The following MMP16 variants were observed in gnomAD, a reference collection of about 807,000 sequenced individuals.
The protein encoded by MMP16 is matrix metallopeptidase 16.
In MMP16, 12 loss-of-function variants were observed where a neutral mutation model predicts 67.8. That is an observed-to-expected ratio of 0.18 (90% CI 0.11 to 0.29). MMP16 has a LOEUF of 0.29. MMP16 is among the 10% of genes least tolerant of loss of function. MMP16 has a pLI of 1.00. For missense variants in MMP16, 475 were observed against 765.7 expected (o/e 0.62, Z 4.48); for synonymous variants, 249 against 255.9 (o/e 0.97, Z 0.26).
intron 6 of MMP16, among the ~76,000 whole-genome samples, chr8:88,077,808 C>T (rs1335302676): frequency 3.3e-5 from 5 of 152,070 alleles, no homozygotes; most frequent in Non-Finnish European, 5.9e-5. Context: ...GAAGGGGTCA[C>T]ACAAACATAA....
At chr8:88,277,391 C>T in intron 1 of MMP16, among the ~76,000 whole-genome samples, 1 of 152,190 alleles carries the variant, frequency 6.6e-6, no homozygotes, top group Non-Finnish European at 1.5e-5. Flanking sequence ...TCTACATCTC[C>T]ACCCAGGTGT....
chr8:88,290,461 G>A (rs1426999516), intron 1 of MMP16, among the ~76,000 whole-genome samples: 1 of 152,080 alleles, frequency 6.6e-6, no homozygotes, highest in Non-Finnish European at 1.5e-5. Context: ...GCTGAGGCAG[G>A]AGAATGGAGT....
chr8:88,227,227 C>G (rs1453040978), intron 1 of MMP16, among the ~76,000 whole-genome samples: 1 of 151,914 alleles, frequency 6.6e-6, no homozygotes, highest in Non-Finnish European at 1.5e-5. Context: ...AACTTAAATT[C>G]TTACAATATA....
chr8:88,273,948 T>C (rs1463322555), intron 1 of MMP16, among the ~76,000 whole-genome samples: 1 of 152,130 alleles, frequency 6.6e-6, no homozygotes, highest in African/African-American at 2.4e-5. Context: ...GTCATAGCTG[T>C]TATTTTTATC....
In MMP16 at chr8:88,155,927, C is replaced by T. The variant is rs564322484; in HGVS notation, c.709+11742G>A. On this transcript the variant is annotated intron_variant, in intron 4 of 9. Transcript: ENST00000286614. ...TTTTAATGGTATCATTCTGTTATTACGACTACCTAGCCTTAGGCAAGTCAA... is the reference window on the plus strand; with the variant it reads ...TTTTAATGGTATCATTCTGTTATTATGACTACCTAGCCTTAGGCAAGTCAA... 7.2e-5 allele frequency among the ~76,000 whole-genome samples: 11 copies of T among 152,116 alleles called. No individual in the cohort carries two copies. In the South Asian group the frequency reaches 8.3e-4, roughly 11 times the overall value.
At chr8:88,302,032 A>T (rs568614594) in intron 1 of MMP16, among the ~76,000 whole-genome samples, 1 of 152,272 alleles carries the variant, frequency 6.6e-6, no homozygotes, top group South Asian at 2.1e-4. Flanking sequence ...ACTCCAGCTC[A>T]CTTGCTCAGA....
intron 1 of MMP16, among the ~76,000 whole-genome samples, chr8:88,312,069 C>T (rs1399833142): frequency 6.6e-6 from 1 of 152,102 alleles, no homozygotes; most frequent in Non-Finnish European, 1.5e-5. Flanking sequence ...GAAGTAGTGT[C>T]AGAGGAAACA....
At chr8:88,197,468 T>C (rs563653653) in intron 1 of MMP16, among the ~76,000 whole-genome samples, 162 bp from the exon 2 acceptor site, 1 of 152,326 alleles carries the variant, frequency 6.6e-6, no homozygotes, top group East Asian at 1.9e-4. Flanking sequence ...TTATGTAGGT[T>C]AGGTTATTTT....
intron 1 of MMP16, among the ~76,000 whole-genome samples, chr8:88,316,001 C>T (rs918613960): frequency 6.6e-6 from 1 of 152,128 alleles, no homozygotes; most frequent in Non-Finnish European, 1.5e-5. Context: ...TAGACCAAAC[C>T]AGCCACAACG....
intron 1 of MMP16, among the ~76,000 whole-genome samples, chr8:88,240,035 T>C (rs1464257261): frequency 6.6e-6 from 1 of 152,216 alleles, no homozygotes; most frequent in Non-Finnish European, 1.5e-5. Flanking sequence ...ATAAGACCCA[T>C]GCTGCCTTAC....
At chr8:88,193,816 T>A (rs899006108) in intron 2 of MMP16, among the ~76,000 whole-genome samples, 5 of 151,972 alleles carry the variant, frequency 3.3e-5, no homozygotes, top group African/African-American at 1.2e-4. Context: ...GATAAACTAA[T>A]ATGAAAAAAT....
At chr8:88,287,041 T>G (rs892069427) in intron 1 of MMP16, among the ~76,000 whole-genome samples, 14 of 152,278 alleles carry the variant, frequency 9.2e-5, no homozygotes, top group Non-Finnish European at 1.6e-4. Context: ...AATTCAATAC[T>G]TTCTCCACAC....
At chr8:88,289,579 T>G (rs1810888398) in intron 1 of MMP16, among the ~76,000 whole-genome samples, 1 of 152,078 alleles carries the variant, frequency 6.6e-6, no homozygotes, top group African/African-American at 2.4e-5. Context: ...AAAATTTACT[T>G]TAGACATTAC....
At chr8:88,229,213 A>C (rs1809820676) in intron 1 of MMP16, among the ~76,000 whole-genome samples, 1 of 152,074 alleles carries the variant, frequency 6.6e-6, no homozygotes. Context: ...TTTATTTGAT[A>C]TTTTGTGAAT....
intron 3 of MMP16, among the ~76,000 whole-genome samples, chr8:88,173,234 T>C (rs760228581): frequency 1.3e-5 from 2 of 152,112 alleles, no homozygotes; most frequent in Non-Finnish European, 2.9e-5. Flanking sequence ...ATACCTTTTG[T>C]AGAGACAGGG....
Position 88,168,363 on chromosome 8 carries a change from AT to A in MMP16, c.405-391del, listed in dbSNP as rs972323526. Among the ~76,000 whole-genome samples, 4 of 152,146 alleles carry A rather than the reference AT, an allele frequency of 2.6e-5. No homozygotes were observed. In the East Asian group the frequency reaches 7.7e-4, roughly 29 times the overall value. On this transcript the variant is annotated intron_variant, in intron 3 of 9. Coordinates refer to ENST00000286614, the MANE Select transcript of MMP16 (RefSeq NM_005941.5). ...ATAATTTTTAGAGGCACACCATTGT[AT>A]TTGCACACATCCATTTCAAACAATG...
chr8:88,282,085 G>C lies in MMP16; in HGVS notation c.132+44990C>G, dbSNP rs962974558. Among the ~76,000 whole-genome samples the C allele has an allele frequency of 1.8e-4, 26 of 142,200 alleles. 2 individuals are homozygous for C. Among genetic ancestry groups the C allele is most frequent in the Admixed American group, 1.8e-3 (26 of 14,418 alleles). The allele number at this position is 142,200 out of a possible 152,430, so 93.3% of individuals were successfully genotyped here. A position where few individuals can be genotyped will look rare whatever the true frequency, so the allele number is the denominator to read the frequency against. ...TTCCAGATTTTTTTTTCTTTTTTGG[G>C]GGGGGGGGGGCGACGGGGTCTTGCT... On this transcript the variant is annotated intron_variant, in intron 1 of 9. Transcript: ENST00000286614.
chr8:88,227,877 A>C (rs572939347), intron 1 of MMP16, among the ~76,000 whole-genome samples: 1 of 152,208 alleles, frequency 6.6e-6, no homozygotes, highest in Non-Finnish European at 1.5e-5. Context: ...CAGGAACTTA[A>C]AAAACAATAG....
intron 1 of MMP16, among the ~76,000 whole-genome samples, chr8:88,305,506 T>C (rs985463970): frequency 1.3e-5 from 2 of 152,298 alleles, no homozygotes; most frequent in East Asian, 1.9e-4. Context: ...CATTGCCACA[T>C]GGCACTTACT....
Sources: gnomAD v4.1 joint callset for allele counts (sites outside exome capture counted in the v4.1 genomes callset) on GRCh38, gnomAD v4.1.1 for gene constraint, MANE v1.5 for transcripts, NCBI Gene and HGNC (gene_info 2026-07-23, HGNC 2026-07-21) for gene names.